The following NCAM1 variants were observed in gnomAD, a reference collection of about 807,000 sequenced individuals.
NCAM1 encodes neural cell adhesion molecule 1.
In NCAM1, 14 loss-of-function variants were observed where a neutral mutation model predicts 109.8. The observed-to-expected ratio is 0.13, with a 90% CI of 0.08 to 0.20. The LOEUF (loss-of-function observed/expected upper bound fraction) is 0.20. Ranked by LOEUF, NCAM1 falls within the 10% of genes least tolerant of loss-of-function variation. NCAM1 has a pLI of 1.00. For missense variants in NCAM1, 774 were observed against 1,109.9 expected, an observed-to-expected ratio of 0.70 and a Z score of 4.30; for synonymous variants, 418 against 442.9, an observed-to-expected ratio of 0.94 and a Z score of 0.70.
rs574491565 is a variant in NCAM1 at position 113,195,705 on chromosome 11, A to G, written c.53-6674A>G. Among the ~76,000 whole-genome samples, 3 of 151,520 alleles carry G rather than the reference A, an allele frequency of 2.0e-5. No individual in the cohort carries two copies. The East Asian group carries it at 5.9e-4, about 30-fold the overall frequency. On this transcript the variant is annotated intron_variant, in intron 1 of 19. Coordinates refer to ENST00000316851, the MANE Select transcript of NCAM1 (RefSeq NM_181351.5). ...TTTTTTTTAGTAGAGACGGGGTTTC[A>G]CTGTGTTAGCCAGGATGGTCTCGAT...
At chr11:113,182,364 G>T (rs782202139) in intron 1 of NCAM1, among the ~76,000 whole-genome samples, 3 of 152,170 alleles carry the variant, frequency 2.0e-5, no homozygotes, top group Non-Finnish European at 4.4e-5. Context: ...GCGTGGATCT[G>T]TTCCTTCCTT....
At chr11:113,088,879 A>AG (rs1168115114) in intron 1 of NCAM1, among the ~76,000 whole-genome samples, 2 of 152,268 alleles carry the variant, frequency 1.3e-5, no homozygotes, top group African/African-American at 2.4e-5. Context: ...GCAGTGTTGA[A>AG]GGATATTATT....
chr11:113,240,953 G>C (rs782515818), intron 14 of NCAM1: 12 of 1,083,974 alleles, frequency 1.1e-5, no homozygotes, highest in African/African-American at 4.6e-5. Flanking sequence ...GGAAAGCAGC[G>C]TCGGGTTTTA....
At chr11:113,225,232 C>T (rs979338768) in intron 9 of NCAM1, among the ~76,000 whole-genome samples, 2 of 152,128 alleles carry the variant, frequency 1.3e-5, no homozygotes, top group Non-Finnish European at 2.9e-5. Flanking sequence ...ACACAGAAGT[C>T]CTTAAAGGAC....
At chr11:112,966,221 A>G (rs1950724085) in intron 1 of NCAM1, among the ~76,000 whole-genome samples, 1 of 152,232 alleles carries the variant, frequency 6.6e-6, no homozygotes, top group Admixed American at 6.5e-5. Context: ...GAAAACATTA[A>G]TCACGTGGCT....
At chr11:113,104,578 C>A (rs1940061685) in intron 1 of NCAM1, among the ~76,000 whole-genome samples, 1 of 152,142 alleles carries the variant, frequency 6.6e-6, no homozygotes, top group African/African-American at 2.4e-5. Context: ...AGCTTGAAGT[C>A]CTTTCTAATG....
intron 1 of NCAM1, among the ~76,000 whole-genome samples, chr11:113,057,470 A>G (rs1299611981): frequency 6.6e-6 from 1 of 152,166 alleles, no homozygotes; most frequent in Non-Finnish European, 1.5e-5. Context: ...GGATGAGGAC[A>G]TATTTGTACT....
chr11:113,132,392 A>G (rs548220592), intron 1 of NCAM1, among the ~76,000 whole-genome samples: 6 of 152,276 alleles, frequency 3.9e-5, no homozygotes, highest in East Asian at 1.9e-4. Flanking sequence ...GGTTCCTTCA[A>G]TTCACATCTG....
At chr11:113,044,096 G>A (rs1178271892) in intron 1 of NCAM1, among the ~76,000 whole-genome samples, 5 of 152,080 alleles carry the variant, frequency 3.3e-5, no homozygotes, top group Non-Finnish European at 5.9e-5. Context: ...TCAATGAGAG[G>A]TCTACCAAGT....
intron 1 of NCAM1, among the ~76,000 whole-genome samples, chr11:113,139,823 GATAGAA>G (rs1205675804): frequency 2.0e-5 from 3 of 152,022 alleles, no homozygotes; most frequent in African/African-American, 7.2e-5. Flanking sequence ...TTGGAAAATT[GATAGAA>G]ATAGACTCTC....
intron 1 of NCAM1, among the ~76,000 whole-genome samples, chr11:113,064,213 T>C (rs946641629): frequency 6.6e-6 from 1 of 152,214 alleles, no homozygotes; most frequent in Non-Finnish European, 1.5e-5. Flanking sequence ...CATTGCTCTC[T>C]TTTCTTCCTC....
At chr11:113,198,969 T>G (rs1555111352) in intron 1 of NCAM1, among the ~76,000 whole-genome samples, 3 of 152,308 alleles carry the variant, frequency 2.0e-5, no homozygotes, top group Admixed American at 6.5e-5. Context: ...AACTGGAAAG[T>G]GTGAACTGTC....
Position 113,277,921 on chromosome 11 carries a change from G to T in NCAM1, c.*2534G>T. 1 of 128,078 alleles carries T rather than the reference G, an allele frequency of 7.8e-6. No homozygotes were observed. The highest frequency in any genetic ancestry group is 1.6e-5 in the Non-Finnish European group (1 of 62,068). The allele number at this position is 128,078 out of a possible 1,614,324, so 7.9% of individuals were successfully genotyped here. A position where few individuals can be genotyped will look rare whatever the true frequency, so the allele number is the denominator to read the frequency against. ...CAAAGAGGGAGTCATTTTATTCCAAGATGTTTTATCTTTTATGTTAAGAGA... is the reference window on the plus strand; with the variant it reads ...CAAAGAGGGAGTCATTTTATTCCAATATGTTTTATCTTTTATGTTAAGAGA... On this transcript the variant is annotated 3_prime_UTR_variant, in exon 20 of 20. Transcript: ENST00000316851.
chr11:113,144,784 A>G (rs1180952749), intron 1 of NCAM1, among the ~76,000 whole-genome samples: 1 of 152,232 alleles, frequency 6.6e-6, no homozygotes. Context: ...TGTGTCAAAG[A>G]GTAGTAAAAG....
intron 1 of NCAM1, among the ~76,000 whole-genome samples, chr11:113,073,101 A>C (rs1363332818): frequency 6.6e-6 from 1 of 152,218 alleles, no homozygotes; most frequent in Non-Finnish European, 1.5e-5. Context: ...GTGGAATCAC[A>C]CAGTATTTGT....
chr11:113,235,367 G>A, intron 14 of NCAM1: 3 of 1,161,372 alleles, frequency 2.6e-6, no homozygotes, highest in South Asian at 1.2e-5. Context: ...CTTTCTCCAA[G>A]GGGTTGGGGA....
intron 1 of NCAM1, among the ~76,000 whole-genome samples, chr11:113,014,714 G>A (rs1306339249): frequency 6.6e-6 from 1 of 152,222 alleles, no homozygotes; most frequent in Non-Finnish European, 1.5e-5. Flanking sequence ...CATAGTATTG[G>A]AAATACCTGC....
At chr11:113,024,199 C>G (rs1440198338) in intron 1 of NCAM1, among the ~76,000 whole-genome samples, 1 of 152,098 alleles carries the variant, frequency 6.6e-6, no homozygotes, top group Admixed American at 6.6e-5. Flanking sequence ...TGTGGCTGGG[C>G]CAAGGAGCAG....
intron 1 of NCAM1, among the ~76,000 whole-genome samples, chr11:113,053,700 C>G (rs1953592580): frequency 6.6e-6 from 1 of 152,162 alleles, no homozygotes; most frequent in Non-Finnish European, 1.5e-5. Context: ...TGCTAATGAT[C>G]CAGATGCCTC....
Sources: allele counts gnomAD v4.1 joint callset (sites outside exome capture counted in the v4.1 genomes callset), GRCh38; gene constraint gnomAD v4.1.1; transcripts MANE v1.5; gene names NCBI Gene and HGNC (gene_info 2026-07-23, HGNC 2026-07-21).